The following CACNA2D1 variants were observed in gnomAD, a reference collection of about 807,000 sequenced individuals.
CACNA2D1 encodes calcium voltage-gated channel auxiliary subunit alpha2delta 1, also known as voltage-dependent calcium channel subunit alpha-2/delta-1.
In CACNA2D1, 53 loss-of-function variants were observed where a neutral mutation model predicts 171.5. That is an observed-to-expected ratio of 0.31 (90% CI 0.25 to 0.39). The LOEUF (loss-of-function observed/expected upper bound fraction) is 0.39, where lower values mean the gene tolerates loss of function less well. Among genes scored for constraint, CACNA2D1 ranks in the 10% least tolerant of loss-of-function variants. The probability of loss-of-function intolerance (pLI) is 1.00; values close to 1 mark genes in which losing one functional copy is unlikely to be tolerated. For synonymous variants in CACNA2D1, 442 were observed against 443.1 expected (o/e 1.00, Z 0.03); for missense variants, 903 against 1,299.8 (o/e 0.69, Z 4.69).
chr7:81,975,890 G>A (rs186103536), intron 24 of CACNA2D1, among the ~76,000 whole-genome samples: 2 of 151,768 alleles, frequency 1.3e-5, no homozygotes, highest in South Asian at 2.1e-4. Context: ...TGTTTTCTTC[G>A]AAGTCAAAAG....
intron 1 of CACNA2D1, among the ~76,000 whole-genome samples, chr7:82,407,848 T>C (rs1391414867): frequency 6.6e-6 from 1 of 152,068 alleles, no homozygotes; most frequent in Non-Finnish European, 1.5e-5. Flanking sequence ...CATCTATCCC[T>C]GATAGATTAG....
intron 11 of CACNA2D1, among the ~76,000 whole-genome samples, chr7:82,037,052 T>C (rs574369995): frequency 2.0e-5 from 3 of 152,218 alleles, no homozygotes; most frequent in East Asian, 3.9e-4. Context: ...AGAAGTAAGG[T>C]TCCTACTCTC....
chr7:82,411,842 A>C (rs2129455230), intron 1 of CACNA2D1, among the ~76,000 whole-genome samples: 1 of 152,008 alleles, frequency 6.6e-6, no homozygotes, highest in South Asian at 2.1e-4. Flanking sequence ...ACAGCAATTC[A>C]GAGTACCTCA....
rs149886000 is a variant in CACNA2D1 at position 82,223,060 on chromosome 7, C to T, written c.295-52451G>A. The stretch of plus-strand genomic sequence containing the variant: ...CTGGGATTACAGGCACATGTCACCA[C>T]ACCCAGCTAATTTTTTTGTATTTTT... On this transcript the variant is annotated intron_variant, in intron 3 of 38. Coordinates refer to ENST00000356860, the MANE Select transcript of CACNA2D1 (RefSeq NM_000722.4). Among the ~76,000 whole-genome samples the T allele has an allele frequency of 6.3e-3, 965 of 151,976 alleles. 14 individuals carry two copies. Among genetic ancestry groups the T allele is most frequent in the African/African-American group, 0.022 (923 of 41,446 alleles).
At chr7:82,322,125 C>CAAAAAAAAAA (rs71093373) in intron 3 of CACNA2D1, among the ~76,000 whole-genome samples, 1 of 43,640 alleles carries the variant, frequency 2.3e-5, no homozygotes, top group African/African-American at 8.2e-5. Flanking sequence ...GACTCCGTCT[C>CAAAAAAAAAA]AAAAAAAAAA....
Position 81,948,470 on chromosome 7 carries a change from A to C in CACNA2D1, c.*1922T>G, listed in dbSNP as rs1277794112. On this transcript the variant is annotated 3_prime_UTR_variant, in exon 39 of 39. Coordinates refer to ENST00000356860, the MANE Select transcript of CACNA2D1 (RefSeq NM_000722.4). ...TCCCCCCACCTTTTTATTGAAAAAA[A>C]AAATCTTGAAATGTACACAAATGGT... 1 of 151,892 alleles carries C rather than the reference A, an allele frequency of 6.6e-6. No homozygotes were observed. Among genetic ancestry groups the C allele is most frequent in the East Asian group, 1.9e-4 (1 of 5,186 alleles). 9.4% of individuals were successfully genotyped at this position (151,892 alleles called of 1,614,324 possible). A position where few individuals can be genotyped will look rare whatever the true frequency, so the allele number is the denominator to read the frequency against.
chr7:82,057,403 G>A (rs1008362357), intron 10 of CACNA2D1, among the ~76,000 whole-genome samples: 1 of 152,102 alleles, frequency 6.6e-6, no homozygotes, highest in Non-Finnish European at 1.5e-5. Context: ...TGAGACTTCA[G>A]GCTCCACTGA....
chr7:82,335,333 T>G lies in CACNA2D1; in HGVS notation c.178-82A>C, dbSNP rs12056126. ...GTTCCCATTGGAATGTATTTAAAAC[T>G]ATAAACAACTGATTAGAAACACCAC... is the stretch of plus-strand genomic sequence containing the variant. On this transcript the variant is annotated intron_variant, in intron 2 of 38. Transcript: ENST00000356860. The G allele has an allele frequency of 0.025, 20,567 of 818,440 alleles. 731 individuals are homozygous for G. Among genetic ancestry groups the G allele is most frequent in the Admixed American group, 0.12 (6,555 of 54,882 alleles). The allele number at this position is 818,440 out of a possible 1,614,324, so 50.7% of individuals were successfully genotyped here.
At chr7:82,417,101 G>C (rs994307404) in intron 1 of CACNA2D1, among the ~76,000 whole-genome samples, 2 of 152,104 alleles carry the variant, frequency 1.3e-5, no homozygotes, top group Non-Finnish European at 2.9e-5. Flanking sequence ...TAAATATATA[G>C]TTTCACTACA....
chr7:82,136,398 A>C (rs1242174404), intron 5 of CACNA2D1, among the ~76,000 whole-genome samples: 6 of 152,076 alleles, frequency 3.9e-5, no homozygotes, highest in Non-Finnish European at 8.8e-5. Context: ...GGTCTGGAAA[A>C]AGTGCAGTGA....
intron 5 of CACNA2D1, among the ~76,000 whole-genome samples, chr7:82,126,415 T>C (rs763345493): frequency 6.6e-6 from 1 of 152,184 alleles, no homozygotes; most frequent in Non-Finnish European, 1.5e-5. Context: ...ATTTCTCTCT[T>C]CTGTATATTT....
At chr7:82,235,700 A>G (rs1563239331) in intron 3 of CACNA2D1, among the ~76,000 whole-genome samples, 1 of 151,384 alleles carries the variant, frequency 6.6e-6, no homozygotes, top group Non-Finnish European at 1.5e-5. Context: ...TAATATCTGG[A>G]TTTCCTTCAT....
chr7:82,342,041 GAGACTCCGTCTCAAAAAAAAAAAA>G (rs1563397437), intron 2 of CACNA2D1, among the ~76,000 whole-genome samples: 2 of 119,290 alleles, frequency 1.7e-5, no homozygotes. Flanking sequence ...GCTACAGCGC[GAGACTCCGTCTCAAAAAAAAAAAA>G]AAAAAAAAAA....
intron 7 of CACNA2D1, among the ~76,000 whole-genome samples, chr7:82,084,151 A>G (rs922762858): frequency 2.6e-5 from 4 of 152,174 alleles, no homozygotes; most frequent in African/African-American, 9.7e-5. Flanking sequence ...TATAGAAATT[A>G]CTATTTCTCC....
chr7:82,216,342 A>G (rs1801094978), intron 3 of CACNA2D1, among the ~76,000 whole-genome samples: 1 of 152,158 alleles, frequency 6.6e-6, no homozygotes, highest in Admixed American at 6.5e-5. Context: ...CAAAGGCATG[A>G]CTTTGCAAAG....
chr7:82,338,707 C>A (rs1055471095), intron 2 of CACNA2D1, among the ~76,000 whole-genome samples: 4 of 152,146 alleles, frequency 2.6e-5, no homozygotes, highest in African/African-American at 9.6e-5. Context: ...CTAGAGCAGC[C>A]GAAGGTGAGT....
At chr7:82,428,432 G>A (rs1025123054) in intron 1 of CACNA2D1, among the ~76,000 whole-genome samples, 7 of 152,098 alleles carry the variant, frequency 4.6e-5, no homozygotes, top group African/African-American at 1.7e-4. Context: ...TTTATTTTAT[G>A]ACTTGGACCT....
intron 3 of CACNA2D1, among the ~76,000 whole-genome samples, chr7:82,301,592 T>A (rs561346036): frequency 6.6e-6 from 1 of 152,292 alleles, no homozygotes; most frequent in East Asian, 1.9e-4. Flanking sequence ...ATGATCCTTT[T>A]TATTCCCACC....
Position 81,965,603 on chromosome 7 carries a change from A to G in CACNA2D1, c.2565T>C (p.Tyr855=), listed in dbSNP as rs1321225032. 11 of 1,548,402 alleles carry G rather than the reference A, an allele frequency of 7.1e-6. No homozygotes were observed. In the Admixed American group the frequency reaches 1.0e-4, roughly 14 times the overall value. The change falls in exon 32 of 39, where the codon TAT becomes TAC. Residue 855 remains tyrosine, a synonymous_variant. Transcript: ENST00000356860. ...TATTTGAGGTACATACCTGATTAGTATAATCATCATGATTTGCCATCAGAA... is the reference window on the plus strand; with the variant it reads ...TATTTGAGGTACATACCTGATTAGTGTAATCATCATGATTTGCCATCAGAA... ...GFLLMANHDD[Y]TNQIGRFFGE...
Sources: allele counts gnomAD v4.1 joint callset (sites outside exome capture counted in the v4.1 genomes callset), GRCh38; gene constraint gnomAD v4.1.1; transcripts MANE v1.5; gene names NCBI Gene and HGNC (gene_info 2026-07-23, HGNC 2026-07-21).